Variants in CNTN5 observed in about 807,000 individuals in gnomAD.
The protein encoded by CNTN5 is contactin-5.
Under a neutral mutation model 129.1 loss-of-function variants are expected in CNTN5, and 77 were observed. The observed-to-expected ratio is 0.60, with a 90% CI of 0.50 to 0.72. CNTN5 has a LOEUF of 0.72. Ranked by LOEUF, CNTN5 falls within the 30% of genes least tolerant of loss-of-function variation. The pLI is 0.00. For synonymous variants in CNTN5, 509 were observed against 465.6 expected, an observed-to-expected ratio of 1.09 and a Z score of -1.20; for missense variants, 1,478 against 1,328.8, an observed-to-expected ratio of 1.11 and a Z score of -1.75.
At chr11:99,875,340 T>A (rs1948605305) in intron 6 of CNTN5, among the ~76,000 whole-genome samples, 1 of 106,740 alleles carries the variant, frequency 9.4e-6, no homozygotes, top group South Asian at 2.8e-4. Context: ...GTTCATAGAT[T>A]TGTTTGAATC....
intron 18 of CNTN5, among the ~76,000 whole-genome samples, chr11:100,284,858 GTGTA>G (rs1475029739): frequency 1.3e-5 from 2 of 152,130 alleles, no homozygotes; most frequent in Admixed American, 6.5e-5. Context: ...ATGCTTATGT[GTGTA>G]TGTATCTTTT....
chr11:99,165,174 A>G lies in CNTN5; in HGVS notation c.-210+143904A>G, dbSNP rs757600654. On this transcript the variant is annotated intron_variant, in intron 1 of 24. Transcript: ENST00000524871. ...AGTAGTTAATGAGGTTGTAAATCTGATAGTTGTTGTGATTGTTTCACATGT... is the reference window on the plus strand; with the variant it reads ...AGTAGTTAATGAGGTTGTAAATCTGGTAGTTGTTGTGATTGTTTCACATGT... Among the ~76,000 whole-genome samples the G allele has an allele frequency of 2.0e-5, 3 of 152,292 alleles. No individual in the cohort carries two copies. In the East Asian group the frequency reaches 5.8e-4, roughly 29 times the overall value.
chr11:99,530,498 T>C (rs1051181759), intron 2 of CNTN5, among the ~76,000 whole-genome samples: 5 of 152,170 alleles, frequency 3.3e-5, no homozygotes, highest in Admixed American at 3.3e-4. Context: ...AAGCCAAACT[T>C]TCCACAGCCC....
intron 17 of CNTN5, among the ~76,000 whole-genome samples, chr11:100,265,249 T>C (rs1950278771): frequency 1.3e-5 from 2 of 152,142 alleles, no homozygotes; most frequent in Admixed American, 1.3e-4. Context: ...TGTCCTCTTC[T>C]AACTCATTTC....
intron 9 of CNTN5, among the ~76,000 whole-genome samples, chr11:100,046,279 A>G (rs1399445663): frequency 6.6e-6 from 1 of 152,206 alleles, no homozygotes. Flanking sequence ...TGAATCCAGC[A>G]ACCAACTGGA....
chr11:99,733,696 ACT>A (rs1189473674), intron 3 of CNTN5, among the ~76,000 whole-genome samples: 2 of 152,118 alleles, frequency 1.3e-5, no homozygotes, highest in African/African-American at 4.8e-5. Context: ...GCTGGTGCTA[ACT>A]CTGATGGAGG....
chr11:99,814,063 G>A (rs1372495340), intron 3 of CNTN5, among the ~76,000 whole-genome samples: 1 of 152,130 alleles, frequency 6.6e-6, no homozygotes, highest in Non-Finnish European at 1.5e-5. Flanking sequence ...ATATAGTTAT[G>A]AGAACATTCT....
intron 6 of CNTN5, among the ~76,000 whole-genome samples, chr11:99,909,062 T>G (rs1277437801): frequency 6.6e-6 from 1 of 152,112 alleles, no homozygotes; most frequent in Non-Finnish European, 1.5e-5. Flanking sequence ...CAGCTGAATC[T>G]TAATTCAATT....
At chr11:99,912,821 T>C (rs1407636240) in intron 6 of CNTN5, among the ~76,000 whole-genome samples, 1 of 152,038 alleles carries the variant, frequency 6.6e-6, no homozygotes, top group Non-Finnish European at 1.5e-5. Flanking sequence ...AAATTTCTCA[T>C]CTTGTTTCTT....
chr11:100,084,849 T>C (rs1944488940), intron 13 of CNTN5, among the ~76,000 whole-genome samples: 1 of 152,152 alleles, frequency 6.6e-6, no homozygotes, highest in African/African-American at 2.4e-5. Context: ...CTCCTTTTCC[T>C]TAATGGAGAG....
At chr11:99,351,010 A>C (rs1043864696) in intron 2 of CNTN5, among the ~76,000 whole-genome samples, 1 of 151,966 alleles carries the variant, frequency 6.6e-6, no homozygotes, top group South Asian at 2.1e-4. Flanking sequence ...TCACACACCA[A>C]GGCCTGTGGG....
Position 100,128,727 on chromosome 11 carries a change from C to T in CNTN5, c.1580+54433C>T, listed in dbSNP as rs117691683. Among the ~76,000 whole-genome samples, 497 of 152,078 alleles carry T rather than the reference C, an allele frequency of 3.3e-3. 6 individuals are homozygous for T. The East Asian group carries it at 0.04, about 12-fold the overall frequency. On this transcript the variant is annotated intron_variant, in intron 13 of 24. Coordinates refer to ENST00000524871, the MANE Select transcript of CNTN5 (RefSeq NM_014361.4). ...TGAATGGGCGAGGAAGCTATAATGACTCCATGTTCCTTCTTGCCTCAGAGA... is the reference window on the plus strand; with the variant it reads ...TGAATGGGCGAGGAAGCTATAATGATTCCATGTTCCTTCTTGCCTCAGAGA...
At chr11:99,323,980 C>G (rs569913019) in intron 1 of CNTN5, among the ~76,000 whole-genome samples, 1 of 152,204 alleles carries the variant, frequency 6.6e-6, no homozygotes, top group South Asian at 2.1e-4. Context: ...ATAGTTCCTT[C>G]TGTTCACAAT....
chr11:99,638,610 A>G (rs656763), intron 3 of CNTN5, among the ~76,000 whole-genome samples: 91,006 of 151,602 alleles, frequency 0.6, 28,110 homozygotes, highest in Admixed American at 0.69. Context: ...GGTAAATATA[A>G]CCATTCCCAA....
intron 1 of CNTN5, among the ~76,000 whole-genome samples, chr11:99,136,250 C>A (rs1859212651): frequency 1.3e-5 from 2 of 152,096 alleles, no homozygotes; most frequent in Admixed American, 1.3e-4. Context: ...CCCTCCTCAC[C>A]CTCACCTCTC....
At chr11:99,945,098 G>C (rs189699676) in intron 7 of CNTN5, among the ~76,000 whole-genome samples, 1 of 152,062 alleles carries the variant, frequency 6.6e-6, no homozygotes, top group Non-Finnish European at 1.5e-5. Context: ...GATGGGTACA[G>C]GTATGACAGC....
At chr11:99,071,842 G>A (rs1865352785) in intron 1 of CNTN5, among the ~76,000 whole-genome samples, 1 of 151,818 alleles carries the variant, frequency 6.6e-6, no homozygotes. Flanking sequence ...TATCAAAATT[G>A]GCACAGGAAG....
At chr11:99,490,276 G>A (rs1298253672) in intron 2 of CNTN5, among the ~76,000 whole-genome samples, 1 of 152,034 alleles carries the variant, frequency 6.6e-6, no homozygotes, top group Non-Finnish European at 1.5e-5. Context: ...CATAATTTAG[G>A]TGTTCATCAT....
chr11:99,481,263 A>G (rs911501539), intron 2 of CNTN5, among the ~76,000 whole-genome samples: 1 of 152,146 alleles, frequency 6.6e-6, no homozygotes, highest in African/African-American at 2.4e-5. Flanking sequence ...TTTTCTCACA[A>G]TTATCTACAT....
Sources: gnomAD v4.1 joint callset for allele counts (sites outside exome capture counted in the v4.1 genomes callset) on GRCh38, gnomAD v4.1.1 for gene constraint, MANE v1.5 for transcripts, NCBI Gene and HGNC (gene_info 2026-07-23, HGNC 2026-07-21) for gene names.